TKT: variants seen among roughly 807,000 people sequenced by gnomAD.
TKT encodes transketolase, also known as epididymis luminal protein 107.
Under a neutral mutation model 63.9 loss-of-function variants are expected in TKT, and 47 were observed. That is an observed-to-expected ratio of 0.74 (90% CI 0.58 to 0.94). The LOEUF (loss-of-function observed/expected upper bound fraction) is 0.94. TKT is among the 40% of genes least tolerant of loss of function. The probability of loss-of-function intolerance (pLI) is 0.00; values close to 1 mark genes in which losing one functional copy is unlikely to be tolerated. For synonymous variants in TKT, 338 were observed against 334.1 expected, an observed-to-expected ratio of 1.01 and a Z score of -0.13; for missense variants, 721 against 846.2, an observed-to-expected ratio of 0.85 and a Z score of 1.84.
intron 1 of TKT, among the ~76,000 whole-genome samples, chr3:53,253,072 C>A (rs1165581834): frequency 1.3e-5 from 2 of 152,014 alleles, no homozygotes; most frequent in African/African-American, 4.8e-5. Context: ...ATCTCCTGAC[C>A]TTCAGGTGAT....
rs1191624182 is a variant in TKT at position 53,232,522 on chromosome 3, G to A, written c.748+634C>T. 5 of 398,602 alleles carry A rather than the reference G, an allele frequency of 1.3e-5. No homozygotes were observed. In the Admixed American group the frequency reaches 1.8e-4, roughly 14 times the overall value. The allele number at this position is 398,602 out of a possible 1,614,324, so 24.7% of individuals were successfully genotyped here. On this transcript the variant is annotated intron_variant, in intron 6 of 13. Coordinates refer to ENST00000462138, the MANE Select transcript of TKT (RefSeq NM_001064.4). ...ATAGACTTCCTCTGTCCCCGGGCAA[G>A]TCCCTGACCACTTGTAGTCTCATTT...
intron 13 of TKT, 152 bp from the exon 14 acceptor site, chr3:53,226,083 A>T (rs7647720): frequency 0.61 from 378,339 of 624,186 alleles, 117,675 homozygotes; most frequent in South Asian, 0.82. Context: ...TAACTCATTG[A>T]TTTTTTTTAT....
At position 53,228,141 on chromosome 3, in the gene TKT, C is replaced by T. The variant is rs782524340; in HGVS notation, c.1488G>A (p.Leu496=). 5 of 1,614,064 alleles carry T rather than the reference C, an allele frequency of 3.1e-6. No homozygotes were observed. In the South Asian group the frequency reaches 3.3e-5, roughly 11 times the overall value. Residue 496 remains leucine (L), a synonymous_variant, in exon 12 of 14, where the codon CTG becomes CTA. Coordinates refer to ENST00000462138, the MANE Select transcript of TKT (RefSeq NM_001064.4). ...DFQVGQAKVV[L]KSKDDQVTVI... Reference sequence around the variant, plus strand: ...CGGTCACCTGGTCATCCTTGCTCTTCAGGACCACCTGGGGGTGACACAGAG... The same window carrying T: ...CGGTCACCTGGTCATCCTTGCTCTTTAGGACCACCTGGGGGTGACACAGAG...
chr3:53,233,193 G>A lies in TKT; in HGVS notation c.711C>T (p.Ala237=), dbSNP rs782094183. 17 of 1,613,878 alleles carry A rather than the reference G, an allele frequency of 1.1e-5. No homozygotes were observed. In the East Asian group the frequency reaches 1.3e-4, roughly 13 times the overall value. ...GGCCCTTGAAGGTCTTGGCAATGAT[G>A]GCTGTTGGCTGGTGCTTGGCCTGGC... The part of the protein sequence containing the change: ...AFGQAKHQPT[A]IIAKTFKGRG... Residue 237 remains alanine (A), a synonymous_variant, in exon 6 of 14, where the codon GCC becomes GCT. Transcript: ENST00000462138.
chr3:53,239,593 C>G (rs1705182086), intron 4 of TKT, among the ~76,000 whole-genome samples: 1 of 152,044 alleles, frequency 6.6e-6, no homozygotes, highest in South Asian at 2.1e-4. Flanking sequence ...CAACCTCATC[C>G]CCCCAGGCCA....
chr3:53,233,283 A>G lies in TKT; in HGVS notation c.630-9T>C, dbSNP rs367717657. The G allele has an allele frequency of 2.6e-4, 423 of 1,605,246 alleles. 1 individual carries two copies. The highest frequency in any genetic ancestry group is 4.7e-4 in the Admixed American group (28 of 59,378). ...CGATGATGGCATGCCAACTGGGGAC[A>G]GGGGGCAGAGAGTAAGGGGCAATTC... On this transcript the variant is annotated splice_polypyrimidine_tract_variant and intron_variant, in intron 5 of 13. Transcript: ENST00000462138.
At chr3:53,246,977 AC>A (rs1559658400) in intron 1 of TKT, among the ~76,000 whole-genome samples, 1 of 152,160 alleles carries the variant, frequency 6.6e-6, no homozygotes, top group Non-Finnish European at 1.5e-5. Context: ...ACTGTAATGT[AC>A]TAGTTCTTAA....
At chr3:53,236,083 C>T (rs1202914284) in intron 4 of TKT, among the ~76,000 whole-genome samples, 3 of 152,200 alleles carry the variant, frequency 2.0e-5, no homozygotes, top group African/African-American at 4.8e-5. Context: ...CGCTCCTTGC[C>T]GTGCAGGCAT....
At chr3:53,246,555 T>C (rs959345670) in intron 1 of TKT, among the ~76,000 whole-genome samples, 17 of 152,116 alleles carry the variant, frequency 1.1e-4, no homozygotes, top group Admixed American at 1.0e-3. Context: ...TTTTTGTATA[T>C]ACTACAAGGA....
Position 53,228,158 on chromosome 3 carries a change from GAC to G in TKT, c.1480-11_1480-10del. Reference sequence around the variant, plus strand: ...TTGCTCTTCAGGACCACCTGGGGGTGACACAGAGGGTGAGTAAGGCTCAGGGC... The same window carrying G: ...TTGCTCTTCAGGACCACCTGGGGGTGACAGAGGGTGAGTAAGGCTCAGGGC... On this transcript the variant is annotated splice_polypyrimidine_tract_variant and intron_variant, in intron 11 of 13. Coordinates refer to ENST00000462138, the MANE Select transcript of TKT (RefSeq NM_001064.4). 6.2e-7 allele frequency: 1 copy of G among 1,614,078 alleles called. No homozygotes were observed. Among genetic ancestry groups the G allele is most frequent in the East Asian group, 2.2e-5 (1 of 44,874 alleles).
intron 1 of TKT, among the ~76,000 whole-genome samples, chr3:53,242,962 T>G (rs782001451): frequency 2.6e-5 from 4 of 152,142 alleles, no homozygotes; most frequent in Non-Finnish European, 4.4e-5. Context: ...CTGTAGCAAC[T>G]AGGAAACAGG....
chr3:53,242,002 G>A (rs1456040560), intron 2 of TKT, 123 bp downstream of exon 2: 2 of 876,826 alleles, frequency 2.3e-6, no homozygotes, highest in African/African-American at 1.6e-5. Flanking sequence ...GGACGAGCAG[G>A]GAGAAGGCAC....
rs1705653866 is a variant in TKT, at chr3:53,249,375, A to G, written c.107+6461T>C. On this transcript the variant is annotated intron_variant, in intron 1 of 13. Transcript: ENST00000462138. ...GGCGGGAGGATCACCTGAGGTCAGG[A>G]ATTCAAGACCAGCCTGGCCAACATG... Among the ~76,000 whole-genome samples the G allele has an allele frequency of 3.9e-5, 6 of 152,084 alleles. No individual in the cohort carries two copies. The South Asian group carries it at 1.0e-3, about 26-fold the overall frequency.
intron 1 of TKT, among the ~76,000 whole-genome samples, chr3:53,254,616 A>G (rs1553681995): frequency 6.6e-6 from 1 of 152,210 alleles, no homozygotes; most frequent in Admixed American, 6.5e-5. Flanking sequence ...TCCATCACGC[A>G]GCCCTCACAA....
At chr3:53,240,457 G>C in intron 3 of TKT, 109 bp from the exon 4 acceptor site, 4 of 956,718 alleles carry the variant, frequency 4.2e-6, no homozygotes, top group Non-Finnish European at 6.2e-6. Flanking sequence ...CTCTGCAGAA[G>C]GTCAGGCCCC....
chr3:53,241,087 G>T, intron 3 of TKT, 45 bp downstream of exon 3: 1 of 1,482,186 alleles, frequency 6.7e-7, no homozygotes, highest in Non-Finnish European at 9.0e-7. Context: ...CTGGGAAATA[G>T]GAAGTGGAGG....
intron 8 of TKT, 108 bp downstream of exon 8, chr3:53,230,349 G>A: frequency 1.4e-6 from 2 of 1,418,148 alleles, no homozygotes; most frequent in Admixed American, 1.8e-5. Context: ...AGTCTCCCTG[G>A]GCTGGCCTAC....
At chr3:53,251,715 C>G (rs1705754772) in intron 1 of TKT, among the ~76,000 whole-genome samples, 1 of 152,310 alleles carries the variant, frequency 6.6e-6, no homozygotes, top group South Asian at 2.1e-4. Context: ...TGTCTGTGGT[C>G]CCAGCTACCC....
chr3:53,245,601 A>G (rs1418116578), intron 1 of TKT, among the ~76,000 whole-genome samples: 1 of 152,156 alleles, frequency 6.6e-6, no homozygotes, highest in African/African-American at 2.4e-5. Flanking sequence ...CCTGGCCAAC[A>G]TGGTGAAACC....
Sources: gnomAD v4.1 joint callset for allele counts (sites outside exome capture counted in the v4.1 genomes callset) on GRCh38, gnomAD v4.1.1 for gene constraint, MANE v1.5 for transcripts, NCBI Gene and HGNC (gene_info 2026-07-23, HGNC 2026-07-21) for gene names.